The following TACC1 variants were observed in gnomAD, a reference collection of about 807,000 sequenced individuals.
The protein encoded by TACC1 is transforming acidic coiled-coil-containing protein 1.
In TACC1, 48 loss-of-function variants were observed where a neutral mutation model predicts 84.4. That is an observed-to-expected ratio of 0.57 (90% CI 0.45 to 0.72). The LOEUF (loss-of-function observed/expected upper bound fraction) is 0.72. Among genes scored for constraint, TACC1 ranks in the 30% least tolerant of loss-of-function variants. The pLI is 0.00. For missense variants in TACC1, 920 were observed against 973.0 expected (o/e 0.95, Z 0.72); for synonymous variants, 372 against 376.3 (o/e 0.99, Z 0.13).
chr8:38,740,776 G>A (rs557182833), intron 1 of TACC1, among the ~76,000 whole-genome samples: 4 of 152,124 alleles, frequency 2.6e-5, no homozygotes, highest in Non-Finnish European at 5.9e-5. Flanking sequence ...ATTTCCATTT[G>A]CAGGCACAGA....
intron 8 of TACC1, chr8:38,839,254 T>C (rs1311902700): frequency 5.1e-6 from 2 of 389,080 alleles, no homozygotes; most frequent in Non-Finnish European, 9.1e-6. Context: ...AAATAGATGA[T>C]AGAAAGCTTG....
At chr8:38,835,803 C>T (rs1830106053) in intron 6 of TACC1, among the ~76,000 whole-genome samples, 1 of 152,188 alleles carries the variant, frequency 6.6e-6, no homozygotes, top group African/African-American at 2.4e-5. Flanking sequence ...AAAAGAAATT[C>T]CCATTTACAT....
chr8:38,823,103 T>C (rs16887782), intron 3 of TACC1, among the ~76,000 whole-genome samples: 3,881 of 152,178 alleles, frequency 0.026, 147 homozygotes, highest in African/African-American at 0.088. Flanking sequence ...ACTCCAGATA[T>C]CATGGTGACT....
intron 2 of TACC1, among the ~76,000 whole-genome samples, chr8:38,814,620 C>A (rs1824998079): frequency 6.6e-6 from 1 of 152,160 alleles, no homozygotes; most frequent in Admixed American, 6.5e-5. Context: ...ATGATGAAAT[C>A]ACCTAATGAC....
chr8:38,732,420 C>A (rs1805136690), intron 1 of TACC1, among the ~76,000 whole-genome samples: 1 of 150,294 alleles, frequency 6.7e-6, no homozygotes. Flanking sequence ...TGATTTAAAA[C>A]AACAACAACA....
rs1832701587 is a variant in TACC1 at position 38,848,549 on chromosome 8, A to G, written c.*526A>G. On this transcript the variant is annotated 3_prime_UTR_variant, in exon 13 of 13. Coordinates refer to ENST00000317827, the MANE Select transcript of TACC1 (RefSeq NM_006283.3). ...CACACACTCTCACACACATACATGT[A>G]TGTTTATAGATGCTGCTGCTCTTTT... 6.6e-6 allele frequency: 1 copy of G among 152,670 alleles called. No homozygotes were observed. 9.5% of individuals were successfully genotyped at this position (152,670 alleles called of 1,614,324 possible). A position where few individuals can be genotyped will look rare whatever the true frequency, so the allele number is the denominator to read the frequency against.
chr8:38,757,059 G>T (rs939071576), intron 3 of TACC1, among the ~76,000 whole-genome samples: 5 of 152,206 alleles, frequency 3.3e-5, no homozygotes, highest in Non-Finnish European at 5.9e-5. Flanking sequence ...AGGCGCCGCT[G>T]CCCGGGCTCC....
chr8:38,818,477 C>A (rs1362605997), intron 2 of TACC1, among the ~76,000 whole-genome samples: 1 of 152,116 alleles, frequency 6.6e-6, no homozygotes, highest in Non-Finnish European at 1.5e-5. Flanking sequence ...AGCACTTATC[C>A]TAGTAAGACC....
intron 2 of TACC1, among the ~76,000 whole-genome samples, chr8:38,806,323 C>A (rs981154503): frequency 2.6e-5 from 4 of 152,136 alleles, no homozygotes; most frequent in African/African-American, 9.7e-5. Context: ...GGAGCCCTTC[C>A]CTGGTTTATG....
chr8:38,848,023 A>T lies in TACC1; in HGVS notation c.2418A>T (p.Ter806CysextTer38). The change falls in exon 13 of 13, where the codon TGA becomes TGT. Residue 806 changes from the stop codon to cysteine, a stop_lost. Coordinates refer to ENST00000317827, the MANE Select transcript of TACC1 (RefSeq NM_006283.3). ...ELIAKLGKTD[*>C] ...TTGCAAAGCTGGGAAAGACTGACTG[A>T]GACACTCCCCCTGTTAGCTCAACAG... 6.2e-7 allele frequency: 1 copy of T among 1,613,530 alleles called. No individual in the cohort carries two copies. Among genetic ancestry groups the T allele is most frequent in the Non-Finnish European group, 8.5e-7 (1 of 1,179,642 alleles).
intron 2 of TACC1, among the ~76,000 whole-genome samples, chr8:38,797,925 A>G (rs147618375): frequency 6.6e-6 from 1 of 152,214 alleles, no homozygotes; most frequent in Non-Finnish European, 1.5e-5. Context: ...CTAAAATATA[A>G]CCTCAAACAA....
intron 3 of TACC1, chr8:38,757,249 C>G (rs1256475452): frequency 4.5e-6 from 5 of 1,102,412 alleles, no homozygotes; most frequent in African/African-American, 1.7e-5. Flanking sequence ...TCCTCCCGCC[C>G]CACCGCCTCC....
chr8:38,781,553 G>C (rs554109619), intron 3 of TACC1, among the ~76,000 whole-genome samples: 25 of 152,084 alleles, frequency 1.6e-4, no homozygotes, highest in African/African-American at 6.0e-4. Flanking sequence ...GCTAATTTTT[G>C]TATCTTTAGT....
chr8:38,738,006 C>T (rs1806308054), intron 1 of TACC1, among the ~76,000 whole-genome samples: 1 of 152,132 alleles, frequency 6.6e-6, no homozygotes, highest in South Asian at 2.1e-4. Context: ...GGATTATAGG[C>T]ATGAGTCACT....
At chr8:38,760,066 A>C (rs530922407) in intron 3 of TACC1, among the ~76,000 whole-genome samples, 24 of 152,326 alleles carry the variant, frequency 1.6e-4, no homozygotes, top group African/African-American at 5.8e-4. Flanking sequence ...AGTCATATGA[A>C]TAATACATCA....
In TACC1 at chr8:38,788,766, A is replaced by G. The variant is rs750068665; in HGVS notation, c.224A>G (p.Lys75Arg). 3.7e-6 allele frequency: 6 copies of G among 1,613,978 alleles called. No homozygotes were observed. Among genetic ancestry groups the G allele is most frequent in the Non-Finnish European group, 5.1e-6 (6 of 1,180,010 alleles). The change falls in exon 2 of 13, where the codon AAG becomes AGG. Residue 75 changes from lysine to arginine, a missense_variant. Around this residue, in one of 2 missense-constraint regions of TACC1, gnomAD observed 762 missense variants for 747.3 expected, o/e 1.02. Coordinates refer to ENST00000317827, the MANE Select transcript of TACC1 (RefSeq NM_006283.3). Reference protein sequence around the residue: ...EAETPIRSPFKESCDPSLGLA... With the variant: ...EAETPIRSPFRESCDPSLGLA... Reference sequence around the variant, plus strand: ...GAAACCCCGATCCGATCACCTTTCAAGGAGTCCTGTGATCCATCACTCGGA... The same window carrying G: ...GAAACCCCGATCCGATCACCTTTCAGGGAGTCCTGTGATCCATCACTCGGA...
intron 3 of TACC1, among the ~76,000 whole-genome samples, chr8:38,748,412 G>C (rs1161929384): frequency 6.6e-6 from 1 of 152,064 alleles, no homozygotes; most frequent in Non-Finnish European, 1.5e-5. Context: ...AAAATCAGCA[G>C]ACAGAAAACC....
intron 8 of TACC1, among the ~76,000 whole-genome samples, chr8:38,838,901 A>G (rs920140371): frequency 1.3e-5 from 2 of 151,044 alleles, no homozygotes; most frequent in East Asian, 1.9e-4. Flanking sequence ...TCATAATACT[A>G]CTTTTTTTTT....
Position 38,851,798 on chromosome 8 carries a change from G to T in TACC1, c.*3775G>T, listed in dbSNP as rs1307411359. 2 of 377,974 alleles carry T rather than the reference G, an allele frequency of 5.3e-6. No individual in the cohort carries two copies. The highest frequency in any genetic ancestry group is 3.8e-5 in the South Asian group (2 of 52,146). The allele number at this position is 377,974 out of a possible 1,614,324, so 23.4% of individuals were successfully genotyped here. On this transcript the variant is annotated 3_prime_UTR_variant, in exon 13 of 13. Transcript: ENST00000317827. ...TGTATTTATTCTGAAGAATCTAAAAGATAACAGATTATTTGCTTATGAAAG... is the reference window on the plus strand; with the variant it reads ...TGTATTTATTCTGAAGAATCTAAAATATAACAGATTATTTGCTTATGAAAG...
Sources: gnomAD v4.1 joint callset for allele counts (sites outside exome capture counted in the v4.1 genomes callset) on GRCh38, gnomAD v4.1.1 for gene constraint, gnomAD v4.1.1 regional missense constraint, MANE v1.5 for transcripts, NCBI Gene and HGNC (gene_info 2026-07-23, HGNC 2026-07-21) for gene names.